PIAS1: variants seen among roughly 807,000 people sequenced by gnomAD.
PIAS1 encodes the protein protein inhibitor of activated STAT 1.
In PIAS1, 6 loss-of-function variants were observed where a neutral mutation model predicts 71.3. The observed-to-expected ratio is 0.08, with a 90% CI of 0.05 to 0.17. The LOEUF is 0.17. PIAS1 is among the 10% of genes least tolerant of loss of function. The pLI is 1.00. For synonymous variants in PIAS1, 303 were observed against 292.9 expected (o/e 1.03, Z -0.35); for missense variants, 555 against 793.6 (o/e 0.70, Z 3.61).
intron 1 of PIAS1, among the ~76,000 whole-genome samples, chr15:68,065,278 A>AT (rs961382053): frequency 3.3e-5 from 5 of 152,068 alleles, no homozygotes; most frequent in Admixed American, 3.3e-4. Context: ...CACTCATGGT[A>AT]TTTTTTATAA....
intron 6 of PIAS1, among the ~76,000 whole-genome samples, chr15:68,152,171 G>A (rs187362184): frequency 2.5e-4 from 38 of 151,756 alleles, no homozygotes; most frequent in African/African-American, 8.2e-4. Context: ...GGATGGTCCC[G>A]ATCTCCTGAC....
intron 2 of PIAS1, among the ~76,000 whole-genome samples, chr15:68,136,790 T>C (rs966353391): frequency 2.6e-5 from 4 of 152,156 alleles, no homozygotes; most frequent in African/African-American, 9.6e-5. Context: ...TCTAAAAATA[T>C]AGCCCAAATG....
At chr15:68,060,018 A>G (rs1264929274) in intron 1 of PIAS1, among the ~76,000 whole-genome samples, 2 of 152,160 alleles carry the variant, frequency 1.3e-5, no homozygotes, top group Non-Finnish European at 2.9e-5. Context: ...GTAATATGTG[A>G]GATAAGATTA....
intron 11 of PIAS1, among the ~76,000 whole-genome samples, chr15:68,180,711 A>C (rs2093048822): frequency 6.6e-6 from 1 of 152,194 alleles, no homozygotes; most frequent in Non-Finnish European, 1.5e-5. Flanking sequence ...GCCCTCCTAA[A>C]GATTACAATC....
intron 1 of PIAS1, among the ~76,000 whole-genome samples, chr15:68,066,704 A>G (rs890171940): frequency 6.6e-6 from 1 of 152,172 alleles, no homozygotes; most frequent in African/African-American, 2.4e-5. Context: ...CAGGGTGTCA[A>G]AGTAAGACTG....
chr15:68,183,591 T>C (rs761579171), intron 12 of PIAS1, 39 bp from the exon 13 acceptor site: 20 of 871,380 alleles, frequency 2.3e-5, no homozygotes, highest in African/African-American at 5.1e-5. Flanking sequence ...AGTTTTTCCT[T>C]CTTTTTTTTT....
intron 7 of PIAS1, among the ~76,000 whole-genome samples, chr15:68,162,037 C>T (rs181875382): frequency 1.2e-4 from 19 of 152,088 alleles, no homozygotes; most frequent in African/African-American, 4.6e-4. Flanking sequence ...GCCTCCCAGG[C>T]TCAAGTGTAT....
chr15:68,181,616 T>G, intron 12 of PIAS1: 1 of 319,428 alleles, frequency 3.1e-6, no homozygotes, highest in South Asian at 4.7e-5. Flanking sequence ...CTGAGTACTC[T>G]GCAAATTGTT....
chr15:68,151,636 A>G (rs1428974648), intron 6 of PIAS1, among the ~76,000 whole-genome samples: 2 of 151,392 alleles, frequency 1.3e-5, no homozygotes, highest in Non-Finnish European at 2.9e-5. Context: ...CCTAGCCAAC[A>G]TGGTGAAACC....
intron 1 of PIAS1, among the ~76,000 whole-genome samples, chr15:68,075,341 C>T (rs1277089358): frequency 6.6e-6 from 1 of 152,050 alleles, no homozygotes; most frequent in Non-Finnish European, 1.5e-5. Context: ...CCACCTCGGC[C>T]TCCCAAAGTG....
At chr15:68,072,538 A>T (rs914704076) in intron 1 of PIAS1, among the ~76,000 whole-genome samples, 1 of 152,102 alleles carries the variant, frequency 6.6e-6, no homozygotes, top group African/African-American at 2.4e-5. Flanking sequence ...AGAATTCTGT[A>T]AGAACATTAA....
intron 12 of PIAS1, among the ~76,000 whole-genome samples, chr15:68,182,886 T>G (rs916985161): frequency 6.6e-6 from 1 of 152,220 alleles, no homozygotes; most frequent in Non-Finnish European, 1.5e-5. Context: ...ATCTGTGGTG[T>G]TGTAATATAT....
intron 2 of PIAS1, among the ~76,000 whole-genome samples, chr15:68,101,965 GCCTCAAGTGAT>G (rs1266247431): frequency 6.6e-6 from 1 of 152,044 alleles, no homozygotes; most frequent in Non-Finnish European, 1.5e-5. Flanking sequence ...CATACTCCTG[GCCTCAAGTGAT>G]CCTCCCACCC....
At chr15:68,176,411 C>A in intron 10 of PIAS1, 63 bp from the exon 11 acceptor site, 1 of 1,084,570 alleles carries the variant, frequency 9.2e-7, no homozygotes, top group Non-Finnish European at 1.3e-6. Flanking sequence ...ACTGTAGTGA[C>A]ACTGAGAAAA....
At chr15:68,130,594 A>G (rs557131952) in intron 2 of PIAS1, among the ~76,000 whole-genome samples, 1 of 151,730 alleles carries the variant, frequency 6.6e-6, no homozygotes, top group Admixed American at 6.6e-5. Flanking sequence ...CAATTTCTGT[A>G]TACTACAAAA....
At chr15:68,076,332 C>A (rs1157498266) in intron 1 of PIAS1, among the ~76,000 whole-genome samples, 1 of 151,928 alleles carries the variant, frequency 6.6e-6, no homozygotes, top group Non-Finnish European at 1.5e-5. Context: ...ACGGTGAAAG[C>A]GCGTCTTTAC....
chr15:68,126,124 G>A (rs985043849), intron 2 of PIAS1, among the ~76,000 whole-genome samples: 2 of 152,132 alleles, frequency 1.3e-5, no homozygotes, highest in African/African-American at 4.8e-5. Context: ...ATTATATTGG[G>A]AATACAGTGG....
intron 6 of PIAS1, among the ~76,000 whole-genome samples, chr15:68,147,236 T>C (rs1027162960): frequency 2.6e-5 from 4 of 152,242 alleles, no homozygotes; most frequent in Non-Finnish European, 4.4e-5. Flanking sequence ...TCTCTGACTT[T>C]CAGTGTTATT....
At chr15:68,183,689 AT>A in intron 13 of PIAS1, 22 bp downstream of exon 13, 1 of 904,064 alleles carries the variant, frequency 1.1e-6, no homozygotes, top group Non-Finnish European at 1.7e-6. Context: ...AAAATTTACT[AT>A]TATTTTAATT....
Sources: allele counts gnomAD v4.1 joint callset (sites outside exome capture counted in the v4.1 genomes callset), GRCh38; gene constraint gnomAD v4.1.1; transcripts MANE v1.5; gene names NCBI Gene and HGNC (gene_info 2026-07-23, HGNC 2026-07-21).